The following TBX1 variants were observed in gnomAD, a reference collection of about 807,000 sequenced individuals.
TBX1 encodes T-box transcription factor 1.
A neutral mutation model predicts 40.8 loss-of-function variants in TBX1; 16 were observed. The ratio of observed to expected loss-of-function variants is 0.39; its 90% CI spans 0.27 to 0.60. The LOEUF is 0.60. TBX1 is among the 20% of genes least tolerant of loss of function. TBX1 has a pLI of 0.51. For missense variants in TBX1, 755 were observed against 728.5 expected, an observed-to-expected ratio of 1.04 and a Z score of -0.42; for synonymous variants, 403 against 336.8, an observed-to-expected ratio of 1.20 and a Z score of -2.15.
At chr22:19,774,042 T>G (rs1024326279) in intron 8 of TBX1, among the ~76,000 whole-genome samples, 2 of 152,190 alleles carry the variant, frequency 1.3e-5, no homozygotes, top group Non-Finnish European at 2.9e-5. Flanking sequence ...AGGTGAATAT[T>G]AAAGACTTGG....
In TBX1 at chr22:19,764,951, C is replaced by T; in HGVS notation, c.712-7C>T. On this transcript the variant is annotated splice_polypyrimidine_tract_variant and splice_region_variant and intron_variant, in intron 3 of 6. Transcript: ENST00000649276. ...CGCTGGAGCTGATTCCCCACCTTGT[C>T]TTCCAGATTATTCTGAATTCCATGC... 1.9e-6 allele frequency: 3 copies of T among 1,614,042 alleles called. No homozygotes were observed. Among genetic ancestry groups the T allele is most frequent in the Non-Finnish European group, 2.5e-6 (3 of 1,179,946 alleles).
chr22:19,766,082 T>G, intron 6 of TBX1, 80 bp downstream of exon 6: 1 of 1,242,188 alleles, frequency 8.1e-7, no homozygotes, highest in Non-Finnish European at 1.0e-6. Context: ...CGACCTCGCC[T>G]GCGCCCCCGG....
At chr22:19,762,191 G>GCAGCCCAGCCGCTGGCT in intron 1 of TBX1, among the ~76,000 whole-genome samples, 1 of 152,356 alleles carries the variant, frequency 6.6e-6, no homozygotes, top group South Asian at 2.1e-4. Flanking sequence ...GAGGACAGCG[G>GCAGCCCAGCCGCTGGCT]CAGCCCAGCC....
At chr22:19,780,128 G>A (rs1053228188), downstream of TBX1, among the ~76,000 whole-genome samples, 1 of 152,162 alleles carries the variant, frequency 6.6e-6, no homozygotes, top group African/African-American at 2.4e-5. Flanking sequence ...GAAAATACAC[G>A]TAAATCAAAT....
At chr22:19,764,428 G>A (rs1936766883) in intron 3 of TBX1, 102 bp downstream of exon 3, 2 of 1,482,836 alleles carry the variant, frequency 1.3e-6, no homozygotes, top group Non-Finnish European at 1.9e-6. Context: ...GCCCCCGGCT[G>A]TCCCCAGGCG....
In TBX1 at chr22:19,766,432, G is replaced by C; in HGVS notation, c.1080G>C (p.Gly360=). ...ARREFQRDAG[G]PAVLGDPAHP... is the part of the protein sequence containing the mutation. ...GAGAATTCCAGCGCGACGCGGGCGGGCCAGCAGTGCTCGGGGACCCGGCGC... is the reference window on the plus strand; with the variant it reads ...GAGAATTCCAGCGCGACGCGGGCGGCCCAGCAGTGCTCGGGGACCCGGCGC... The change falls in exon 7 of 7, where the codon GGG becomes GGC. Residue 360 remains glycine, a synonymous_variant. Coordinates refer to ENST00000649276, the MANE Select transcript of TBX1 (RefSeq NM_001379200.1). The C allele has an allele frequency of 7.4e-7, 1 of 1,352,856 alleles. No individual in the cohort carries two copies. Among genetic ancestry groups the C allele is most frequent in the Non-Finnish European group, 9.5e-7 (1 of 1,047,738 alleles). The allele number at this position is 1,352,856 out of a possible 1,614,324, so 83.8% of individuals were successfully genotyped here. A position where few individuals can be genotyped will look rare whatever the true frequency, so the allele number is the denominator to read the frequency against.
upstream of TBX1, among the ~76,000 whole-genome samples, chr22:19,757,710 C>G (rs1045623134): frequency 1.3e-5 from 2 of 152,204 alleles, no homozygotes; most frequent in African/African-American, 4.8e-5. Context: ...AGGAGCAGCT[C>G]CTGGGGACAA....
At position 19,766,400 on chromosome 22, in the gene TBX1, GC is replaced by G; in HGVS notation, c.1051del (p.Arg351GlyfsTer28). 7.5e-7 allele frequency: 1 copy of G among 1,341,176 alleles called. No homozygotes were observed. The highest frequency in any genetic ancestry group is 9.6e-7 in the Non-Finnish European group (1 of 1,046,032). The allele number at this position is 1,341,176 out of a possible 1,614,324, so 83.1% of individuals were successfully genotyped here. A position where few individuals can be genotyped will look rare whatever the true frequency, so the allele number is the denominator to read the frequency against. On this transcript the variant is annotated frameshift_variant, in exon 7 of 7. Coordinates refer to ENST00000649276, the MANE Select transcript of TBX1 (RefSeq NM_001379200.1). LOFTEE classifies it high-confidence loss of function. Reference protein sequence around the residue: ...PSGTEKDAAEARREFQRDAGG... With the variant: ...PSGTEKDAAEXRREFQRDAGG... ...GGCCCTCTCCGCAGACGCGGCTGAG[GC>G]CCGGCGAGAATTCCAGCGCGACGCG... is the stretch of plus-strand genomic sequence containing the variant.
At position 19,760,962 on chromosome 22, in the gene TBX1, C is replaced by T. The variant is rs745369694; in HGVS notation, c.119C>T (p.Ala40Val). The T allele has an allele frequency of 9.1e-6, 9 of 990,880 alleles. No homozygotes were observed. Among genetic ancestry groups the T allele is most frequent in the Non-Finnish European group, 1.2e-6 (1 of 833,140 alleles). 61.4% of individuals were successfully genotyped at this position (990,880 alleles called of 1,614,324 possible). ...GCCGCGGGGGGCTTCCCGGGCGCCG[C>T]GTCGCCCGGCGCCGACCCGTACGGC... ...LGAAGGFPGA[A>V]SPGADPYGPR... Residue 40 changes from alanine (A) to valine (V), a missense_variant, in exon 1 of 7, where the codon GCG becomes GTG. By Grantham distance (64) the Ala-to-Val change is moderately conservative. Transcript: ENST00000649276.
At chr22:19,770,102 C>T (rs1307440993), downstream of TBX1, among the ~76,000 whole-genome samples, 2 of 152,166 alleles carry the variant, frequency 1.3e-5, no homozygotes, top group Non-Finnish European at 2.9e-5. Context: ...AAACATCCTC[C>T]TCCAGGTTCC....
At chr22:19,760,634 G>GA (rs1936618134), upstream of TBX1, among the ~76,000 whole-genome samples, 1 of 101,304 alleles carries the variant, frequency 9.9e-6, no homozygotes, top group African/African-American at 3.7e-5. Flanking sequence ...GCGGGGGAGG[G>GA]GCGAGGGCCG....
chr22:19,764,874 A>G (rs552050519), intron 3 of TBX1, 84 bp from the exon 4 acceptor site: 1 of 1,547,104 alleles, frequency 6.5e-7, no homozygotes, highest in South Asian at 1.1e-5. Context: ...TTGCCAACTC[A>G]GACCTCAGCC....
rs535287957 is a variant in TBX1, at chr22:19,778,309, C to T, written c.1010-911C>T. Among the ~76,000 whole-genome samples the T allele has an allele frequency of 4.5e-4, 68 of 152,156 alleles. No individual in the cohort carries two copies. In the South Asian group the frequency reaches 5.4e-3, roughly 12 times the overall value. On this transcript the variant is annotated intron_variant, in intron 8 of 8. Coordinates refer to the TBX1 transcript ENST00000329705. ...GAGATGGGGGTCTCACTATGTTGCCCAGGCTGGTCACAAACTCCTGAGCTC... is the reference window on the plus strand; with the variant it reads ...GAGATGGGGGTCTCACTATGTTGCCTAGGCTGGTCACAAACTCCTGAGCTC...
intron 8 of TBX1, among the ~76,000 whole-genome samples, chr22:19,773,679 G>A (rs1420682134): frequency 6.6e-6 from 1 of 152,212 alleles, no homozygotes; most frequent in East Asian, 1.9e-4. Context: ...GGGTCCTCAG[G>A]CCTCACACAG....
chr22:19,773,202 C>A (rs1383644071), intron 8 of TBX1, among the ~76,000 whole-genome samples: 2 of 152,242 alleles, frequency 1.3e-5, no homozygotes, highest in East Asian at 3.9e-4. Flanking sequence ...GAAAAACAAG[C>A]AGCTTTATTA....
chr22:19,770,369 G>T (rs2238776), downstream of TBX1, among the ~76,000 whole-genome samples: 276 of 152,264 alleles, frequency 1.8e-3, 1 homozygote, highest in African/African-American at 6.2e-3. Context: ...GCAGCTGGAC[G>T]ATCCTGCAGT....
At position 19,766,738 on chromosome 22, in the gene TBX1, C is replaced by T; in HGVS notation, c.1386C>T (p.His462=). 6.5e-7 allele frequency: 1 copy of T among 1,533,036 alleles called. No homozygotes were observed. Among genetic ancestry groups the T allele is most frequent in the Non-Finnish European group, 8.7e-7 (1 of 1,149,166 alleles). 95.0% of individuals were successfully genotyped at this position (1,533,036 alleles called of 1,614,324 possible). A position where few individuals can be genotyped will look rare whatever the true frequency, so the allele number is the denominator to read the frequency against. ...GCTACCACCCGCACGCGCATCCGCACCACCACCACCACCCCGTGAGTCCAG... is the reference window on the plus strand; with the variant it reads ...GCTACCACCCGCACGCGCATCCGCATCACCACCACCACCCCGTGAGTCCAG... The part of the protein sequence containing the change: ...GHGYHPHAHP[H]HHHHPVSPAA... The change falls in exon 7 of 7, where the codon CAC becomes CAT. Residue 462 remains histidine, a synonymous_variant. Transcript: ENST00000649276.
At chr22:19,771,490 A>C (rs1471105284), downstream of TBX1, among the ~76,000 whole-genome samples, 1 of 152,220 alleles carries the variant, frequency 6.6e-6, no homozygotes, top group Non-Finnish European at 1.5e-5. Flanking sequence ...CATGTGGGGG[A>C]GAGGCTTAGC....
chr22:19,760,584 A>C, upstream of TBX1, among the ~76,000 whole-genome samples: 2 of 129,280 alleles, frequency 1.5e-5, no homozygotes, highest in East Asian at 2.6e-4. Context: ...GGGCCGAGCG[A>C]GCCGCGGCGG....
Sources: gnomAD v4.1 joint callset for allele counts (sites outside exome capture counted in the v4.1 genomes callset) on GRCh38, gnomAD v4.1.1 for gene constraint, MANE v1.5 for transcripts, NCBI Gene and HGNC (gene_info 2026-07-23, HGNC 2026-07-21) for gene names.